The following TSPEAR variants were observed in gnomAD, a reference collection of about 807,000 sequenced individuals.
TSPEAR encodes thrombospondin-type laminin G domain and EAR repeat-containing protein.
TSPEAR carries 69 observed loss-of-function variants against 71.6 expected under a neutral mutation model. The observed-to-expected ratio is 0.96, with a 90% CI of 0.79 to 1.18. TSPEAR has a LOEUF of 1.18. Ranked by LOEUF, TSPEAR falls within the 50% of genes most tolerant of loss-of-function variation. The pLI, the probability that TSPEAR is intolerant of heterozygous loss-of-function variation, is 0.00. For synonymous variants in TSPEAR, 402 were observed against 387.2 expected, an observed-to-expected ratio of 1.04 and a Z score of -0.45; for missense variants, 971 against 894.9, an observed-to-expected ratio of 1.09 and a Z score of -1.09.
chr21:44,523,075 TAGTC>T (rs1159988873), intron 8 of TSPEAR, among the ~76,000 whole-genome samples: 12 of 141,034 alleles, frequency 8.5e-5, no homozygotes, highest in South Asian at 4.2e-4. Context: ...GTTAGTCAGT[TAGTC>T]AGTCAGTCAG....
chr21:44,658,211 C>A lies in TSPEAR; in HGVS notation c.82+53222G>T, dbSNP rs1264672015. ...TTGCCAATCTTCGGGGTGCTGCCAGCCCCCCTGCACCACTGCCCTCTGCAG... is the reference window on the plus strand; with the variant it reads ...TTGCCAATCTTCGGGGTGCTGCCAGACCCCCTGCACCACTGCCCTCTGCAG... On this transcript the variant is annotated intron_variant, in intron 1 of 11. Transcript: ENST00000323084. The A allele has an allele frequency of 4.3e-6, 7 of 1,613,976 alleles. No homozygotes were observed. Among genetic ancestry groups the A allele is most frequent in the Non-Finnish European group, 5.9e-6 (7 of 1,179,926 alleles).
chr21:44,637,817 C>A (rs1934331256), intron 1 of TSPEAR: 1 of 1,368,352 alleles, frequency 7.3e-7, no homozygotes, highest in Admixed American at 2.1e-5. Flanking sequence ...TAGCTGCCAG[C>A]CAACTTGCTG....
chr21:44,504,716 C>T (rs2052153770), intron 11 of TSPEAR, 64 bp downstream of exon 11: 1 of 979,714 alleles, frequency 1.0e-6, no homozygotes, highest in Non-Finnish European at 1.6e-6. Context: ...AGGAGGCCGG[C>T]CTCGGTGAGC....
intron 1 of TSPEAR, among the ~76,000 whole-genome samples, chr21:44,682,449 G>A (rs930990809): frequency 4.6e-5 from 7 of 152,162 alleles, no homozygotes; most frequent in African/African-American, 1.4e-4. Flanking sequence ...TTAGTTCTAC[G>A]CTGAAGCAGA....
chr21:44,513,653 C>T (rs962861541), intron 9 of TSPEAR, among the ~76,000 whole-genome samples: 5 of 152,162 alleles, frequency 3.3e-5, no homozygotes, highest in African/African-American at 1.2e-4. Context: ...ACAGCTCCCT[C>T]GAGGGCGGGT....
intron 1 of TSPEAR, chr21:44,611,960 C>A (rs1981703825): frequency 1.1e-6 from 1 of 889,970 alleles, no homozygotes; most frequent in Non-Finnish European, 1.7e-6. Flanking sequence ...GAGGCAAAGT[C>A]TCAGCCACAA....
At position 44,552,092 on chromosome 21, in the gene TSPEAR, G is replaced by T. The variant is rs587722784; in HGVS notation, c.303+15693C>A. ...CTCTGGACAGTCAGCTCATTAGGAG[G>T]ACAAGGTTTGGGGACTGGCCTTTGG... On this transcript the variant is annotated intron_variant, in intron 2 of 11. Coordinates refer to ENST00000323084, the MANE Select transcript of TSPEAR (RefSeq NM_144991.3). Among the ~76,000 whole-genome samples the T allele has an allele frequency of 3.0e-3, 458 of 152,350 alleles. 6 individuals are homozygous for T. Among genetic ancestry groups the T allele is most frequent in the Non-Finnish European group, 5.4e-3 (364 of 68,032 alleles).
At position 44,529,791 on chromosome 21, in the gene TSPEAR, T is replaced by G; in HGVS notation, c.790+7A>C. On this transcript the variant is annotated splice_region_variant and intron_variant, in intron 5 of 11. Transcript: ENST00000323084. ...TTGGTGTGGGGGCGGGTGGCCCCCC[T>G]ACTAACCATAGGGATATTTTAGCAC... The G allele has an allele frequency of 3.1e-6, 5 of 1,613,642 alleles. No individual in the cohort carries two copies. The highest frequency in any genetic ancestry group is 4.2e-6 in the Non-Finnish European group (5 of 1,179,876).
chr21:44,598,684 A>G (rs1160409944), intron 1 of TSPEAR, among the ~76,000 whole-genome samples: 1 of 152,128 alleles, frequency 6.6e-6, no homozygotes, highest in Admixed American at 6.5e-5. Flanking sequence ...CTCACCTTTT[A>G]TTGTTAATGT....
At chr21:44,573,599 T>C in intron 1 of TSPEAR, 2 of 1,246,522 alleles carry the variant, frequency 1.6e-6, no homozygotes, top group African/African-American at 1.5e-5. Context: ...GAGCTGGCTG[T>C]ACACCCCAAC....
chr21:44,697,982 C>T, intron 1 of TSPEAR: 2 of 1,579,672 alleles, frequency 1.3e-6, no homozygotes, highest in Non-Finnish European at 1.7e-6. Context: ...CCAGGCATGT[C>T]CCCCAGGGCC....
At chr21:44,529,732 G>A (rs1347593788) in intron 5 of TSPEAR, 66 bp downstream of exon 5, 27 of 1,580,600 alleles carry the variant, frequency 1.7e-5, no homozygotes, top group African/African-American at 1.3e-4. Context: ...CTGAGTTCCC[G>A]CCTGGTGTGA....
chr21:44,598,228 C>T (rs751172806), intron 1 of TSPEAR, among the ~76,000 whole-genome samples: 3 of 152,346 alleles, frequency 2.0e-5, no homozygotes, highest in East Asian at 1.9e-4. Context: ...CCTCCTCTCC[C>T]GTCTCTCCCA....
intron 1 of TSPEAR, chr21:44,676,773 A>G: frequency 1.2e-6 from 1 of 845,656 alleles, no homozygotes; most frequent in Non-Finnish European, 2.1e-6. Context: ...TTTTACTTCC[A>G]TGATGTTCTA....
chr21:44,525,989 G>T, intron 7 of TSPEAR, 150 bp from the exon 8 acceptor site: 3 of 695,038 alleles, frequency 4.3e-6, no homozygotes, highest in Non-Finnish European at 4.9e-6. Flanking sequence ...CGCATTACAG[G>T]TCATCATGGT....
chr21:44,626,488 C>A (rs1265168392), intron 1 of TSPEAR, among the ~76,000 whole-genome samples: 1 of 152,108 alleles, frequency 6.6e-6, no homozygotes, highest in East Asian at 1.9e-4. Flanking sequence ...GGTTCAGAAC[C>A]CGAAACCACA....
intron 1 of TSPEAR, among the ~76,000 whole-genome samples, chr21:44,703,781 T>TCCAGGCCAGTGTTTGG (rs1987773181): frequency 6.6e-6 from 1 of 152,098 alleles, no homozygotes; most frequent in Non-Finnish European, 1.5e-5. Context: ...GGGTTTCCTT[T>TCCAGGCCAGTGTTTGG]GGGGCCAGTG....
At chr21:44,647,082 C>T in intron 1 of TSPEAR, 3 of 1,613,812 alleles carry the variant, frequency 1.9e-6, no homozygotes, top group Non-Finnish European at 1.7e-6. Context: ...TGCCTGTCTG[C>T]TCTAGGGCTT....
At position 44,529,629 on chromosome 21, in the gene TSPEAR, T is replaced by C. The variant is rs2052925792; in HGVS notation, c.790+169A>G. 2.6e-5 allele frequency among the ~76,000 whole-genome samples: 4 copies of C among 151,894 alleles called. No individual in the cohort carries two copies. The South Asian group carries it at 8.3e-4, about 32-fold the overall frequency. On this transcript the variant is annotated intron_variant, in intron 5 of 11. Transcript: ENST00000323084. ...ATGGTGCCGCCTGCCTTCCTAGGGGTGGGCCCCGAGTATCCCCCTGGCCAA... is the reference window on the plus strand; with the variant it reads ...ATGGTGCCGCCTGCCTTCCTAGGGGCGGGCCCCGAGTATCCCCCTGGCCAA...
Sources: gnomAD v4.1 joint callset for allele counts (sites outside exome capture counted in the v4.1 genomes callset) on GRCh38, gnomAD v4.1.1 for gene constraint, MANE v1.5 for transcripts, NCBI Gene and HGNC (gene_info 2026-07-23, HGNC 2026-07-21) for gene names.